SAXO1: variants seen among roughly 807,000 people sequenced by gnomAD.
The protein encoded by SAXO1 is stabilizer of axonemal microtubules 1.
SAXO1 carries 21 observed loss-of-function variants against 17.5 expected under a neutral mutation model. The ratio of observed to expected loss-of-function variants is 1.20; its 90% CI spans 0.85 to 1.72. SAXO1 has a LOEUF of 1.72. Among genes scored for constraint, SAXO1 ranks in the 40% most tolerant of loss-of-function variants. The pLI, the probability that SAXO1 is intolerant of heterozygous loss-of-function variation, is 0.00. For missense variants in SAXO1, 843 were observed against 596.0 expected, an observed-to-expected ratio of 1.41 and a Z score of -4.32; for synonymous variants, 274 against 216.5, an observed-to-expected ratio of 1.27 and a Z score of -2.33.
chr9:19,014,282 G>A (rs541122447), intron 1 of SAXO1, among the ~76,000 whole-genome samples: 63 of 151,920 alleles, frequency 4.1e-4, no homozygotes, highest in African/African-American at 1.5e-3. Context: ...CCAACGTGGA[G>A]AAACCCTATC....
chr9:18,947,895 A>G (rs983407383), intron 2 of SAXO1: 1 of 152,156 alleles, frequency 6.6e-6, no homozygotes, highest in Non-Finnish European at 1.5e-5. Context: ...CTTTCCAGAA[A>G]CCAGGTGTTT....
At chr9:19,044,844 G>C (rs1836169893) in intron 1 of SAXO1, among the ~76,000 whole-genome samples, 2 of 151,914 alleles carry the variant, frequency 1.3e-5, no homozygotes, top group South Asian at 2.1e-4. Flanking sequence ...GCCCGGGTGA[G>C]AGTGCGAGAC....
chr9:18,932,821 C>T (rs1831112724), intron 3 of SAXO1, among the ~76,000 whole-genome samples: 1 of 152,086 alleles, frequency 6.6e-6, no homozygotes, highest in Non-Finnish European at 1.5e-5. Flanking sequence ...TTCTTGACTC[C>T]ATTTTGATTG....
chr9:19,000,011 T>C (rs1251714119), intron 1 of SAXO1, among the ~76,000 whole-genome samples: 1 of 86,308 alleles, frequency 1.2e-5, no homozygotes, highest in African/African-American at 4.6e-5. Flanking sequence ...TGCCCGGCTG[T>C]CCCACTGTCT....
At chr9:18,999,952 G>A (rs1206681102) in intron 1 of SAXO1, among the ~76,000 whole-genome samples, 1 of 144,646 alleles carries the variant, frequency 6.9e-6, no homozygotes, top group African/African-American at 2.6e-5. Flanking sequence ...GGGAAGTGAG[G>A]AGTGCCTCTA....
At chr9:18,957,830 C>A (rs1302975306) in intron 1 of SAXO1, among the ~76,000 whole-genome samples, 1 of 152,196 alleles carries the variant, frequency 6.6e-6, no homozygotes, top group South Asian at 2.1e-4. Flanking sequence ...AAAGCCCACA[C>A]TTTTCCTAAA....
chr9:18,967,749 T>G (rs1479844498), intron 1 of SAXO1, among the ~76,000 whole-genome samples: 1 of 151,182 alleles, frequency 6.6e-6, no homozygotes, highest in Non-Finnish European at 1.5e-5. Flanking sequence ...TCCACGGGAG[T>G]GAATGATTCT....
intron 1 of SAXO1, among the ~76,000 whole-genome samples, chr9:18,991,725 T>C (rs1833824401): frequency 6.6e-6 from 1 of 152,052 alleles, no homozygotes; most frequent in Admixed American, 6.6e-5. Context: ...TTTAAAAAAA[T>C]TAAAATAAAA....
Position 18,950,816 on chromosome 9 carries a change from T to A in SAXO1, c.160A>T (p.Lys54Ter). The change falls in exon 2 of 4, where the codon AAG becomes TAG. Residue 54 changes from lysine (K) to a stop codon, truncating the protein, a stop_gained. Coordinates refer to ENST00000380534, the MANE Select transcript of SAXO1 (RefSeq NM_153707.4). LOFTEE classifies it high-confidence loss of function. Reference sequence around the variant, plus strand: ...CCTTTCTGGTACTCCCGCCTTGGCTTGAAGGACTCTCTGGGCAGGTAGGAG... The same window carrying A: ...CCTTTCTGGTACTCCCGCCTTGGCTAGAAGGACTCTCTGGGCAGGTAGGAG... Reference protein sequence around the residue: ...YHSYLPRESFKPRREYQKGPI... With the variant: ...YHSYLPRESF The A allele has an allele frequency of 6.2e-7, 1 of 1,613,854 alleles. No homozygotes were observed. The highest frequency in any genetic ancestry group is 8.5e-7 in the Non-Finnish European group (1 of 1,179,772).
Position 18,928,188 on chromosome 9 carries a change from T to G in SAXO1, c.1289A>C (p.Tyr430Ser). 6.2e-7 allele frequency: 1 copy of G among 1,614,210 alleles called. No homozygotes were observed. The highest frequency in any genetic ancestry group is 8.5e-7 in the Non-Finnish European group (1 of 1,180,032). ...CAAAGCATCCACTTCCTCAAAGGTG[T>G]AGCCAGGAGGCTCAGGATATGAAGC... is the stretch of plus-strand genomic sequence containing the variant. ...CLASYPEPPG[Y>S]TFEEVDALGH... Residue 430 changes from tyrosine (Y) to serine (S), a missense_variant, in exon 4 of 4, where the codon TAC becomes TCC. Coordinates refer to ENST00000380534, the MANE Select transcript of SAXO1 (RefSeq NM_153707.4).
At chr9:18,938,597 C>T (rs1487981730) in intron 3 of SAXO1, among the ~76,000 whole-genome samples, 7 of 152,050 alleles carry the variant, frequency 4.6e-5, no homozygotes, top group Admixed American at 4.6e-4. Flanking sequence ...GGCCCCACCT[C>T]CAACACTGAG....
chr9:19,035,120 T>C (rs921061362), upstream of SAXO1, among the ~76,000 whole-genome samples: 28 of 152,198 alleles, frequency 1.8e-4, no homozygotes, highest in Admixed American at 1.6e-3. Flanking sequence ...GTCCATCTTT[T>C]GTTACATCCA....
chr9:18,946,022 A>G (rs1030701922), intron 2 of SAXO1, among the ~76,000 whole-genome samples: 2 of 152,144 alleles, frequency 1.3e-5, no homozygotes, highest in Non-Finnish European at 2.9e-5. Flanking sequence ...CATGCTTGTA[A>G]TCCCAGCACT....
At chr9:19,005,698 A>T (rs890584877) in intron 1 of SAXO1, among the ~76,000 whole-genome samples, 1 of 152,228 alleles carries the variant, frequency 6.6e-6, no homozygotes, top group Non-Finnish European at 1.5e-5. Flanking sequence ...CATAGGGAAA[A>T]ATCATGACAT....
intron 1 of SAXO1, among the ~76,000 whole-genome samples, chr9:19,009,959 A>C (rs1834655564): frequency 6.6e-6 from 1 of 151,684 alleles, no homozygotes; most frequent in South Asian, 2.1e-4. Context: ...CCCAGGTACC[A>C]GGAACTACAG....
chr9:18,960,029 G>A (rs898288144), intron 1 of SAXO1, among the ~76,000 whole-genome samples: 2 of 152,224 alleles, frequency 1.3e-5, no homozygotes, highest in Non-Finnish European at 2.9e-5. Flanking sequence ...AGGGATGCCA[G>A]CAAGAGCCAG....
intron 1 of SAXO1, among the ~76,000 whole-genome samples, chr9:18,995,349 A>G (rs182133612): frequency 6.6e-6 from 1 of 152,306 alleles, no homozygotes; most frequent in African/African-American, 2.4e-5. Flanking sequence ...AATTCAGGGA[A>G]CTTTCCAGAG....
chr9:18,949,274 A>G (rs1831924253), intron 2 of SAXO1, among the ~76,000 whole-genome samples: 1 of 152,170 alleles, frequency 6.6e-6, no homozygotes, highest in Non-Finnish European at 1.5e-5. Flanking sequence ...CCTTAGCAAT[A>G]TAGCAAAACC....
intron 1 of SAXO1, among the ~76,000 whole-genome samples, chr9:18,971,010 G>C (rs1832922784): frequency 6.6e-6 from 1 of 152,078 alleles, no homozygotes; most frequent in South Asian, 2.1e-4. Context: ...GCAGGTAATG[G>C]GGAGGATAAA....
Sources: gnomAD v4.1 joint callset for allele counts (sites outside exome capture counted in the v4.1 genomes callset) on GRCh38, gnomAD v4.1.1 for gene constraint, MANE v1.5 for transcripts, NCBI Gene and HGNC (gene_info 2026-07-23, HGNC 2026-07-21) for gene names.